Variants in S100A11 observed in about 807,000 individuals in gnomAD.
S100A11 encodes the protein protein S100-A11.
Under a neutral mutation model 7.4 loss-of-function variants are expected in S100A11, and 5 were observed. The observed-to-expected ratio is 0.68, with a 90% CI of 0.35 to 1.42. S100A11 has a LOEUF of 1.42. Among genes scored for constraint, S100A11 ranks in the 40% most tolerant of loss-of-function variants. The pLI is 0.04. For synonymous variants in S100A11, 47 were observed against 46.6 expected (o/e 1.01, Z -0.04); for missense variants, 96 against 125.0 (o/e 0.77, Z 1.11).
intron 1 of S100A11, 123 bp downstream of exon 1, chr1:152,036,790 T>C: frequency 1.2e-6 from 1 of 863,434 alleles, no homozygotes; most frequent in South Asian, 1.5e-5. Flanking sequence ...GGCTGATTTT[T>C]CCTGCTGTTT....
rs1656780655 is a variant in S100A11, at chr1:152,033,712, T to C, written c.92A>G (p.Asn31Ser). Reference protein sequence around the residue: ...FQKYAGKDGYNYTLSKTEFLS... With the variant: ...FQKYAGKDGYSYTLSKTEFLS... Reference sequence around the variant, plus strand: ...GAACTCTGTCTTGGAGAGAGTGTAGTTATAACCATCCTTTCCAGCATACTT... The same window carrying C: ...GAACTCTGTCTTGGAGAGAGTGTAGCTATAACCATCCTTTCCAGCATACTT... Residue 31 changes from asparagine (N) to serine (S), a missense_variant, in exon 2 of 3, where the codon AAC (asparagine) becomes AGC (serine). Asn to Ser is a conservative substitution (Grantham distance 46). Coordinates refer to ENST00000271638, the MANE Select transcript of S100A11 (RefSeq NM_005620.2). This position sits in a 1 kb window ranked among gnomAD's most constrained non-coding sequence, Gnocchi z 4.0. 1.9e-6 allele frequency: 3 copies of C among 1,613,606 alleles called. No individual in the cohort carries two copies. In the South Asian group the frequency reaches 3.3e-5, roughly 18 times the overall value.
chr1:152,036,265 A>G (rs1399764808), intron 1 of S100A11, among the ~76,000 whole-genome samples: 1 of 152,182 alleles, frequency 6.6e-6, no homozygotes, highest in Non-Finnish European at 1.5e-5. Context: ...GAAGAGAAAA[A>G]TAAGTTACGG....
rs926503020 is a variant in S100A11, at chr1:152,036,998, T to G, written c.-83A>C. 4 of 1,599,128 alleles carry G rather than the reference T, an allele frequency of 2.5e-6. No homozygotes were observed. The African/African-American group carries it at 5.4e-5, about 22-fold the overall frequency. Reference sequence around the variant, plus strand: ...GCGCGCGGCGTGCGGGTCTGGAGCCTCTCCTCAACCCACGCCCTTCCCGGC... The same window carrying G: ...GCGCGCGGCGTGCGGGTCTGGAGCCGCTCCTCAACCCACGCCCTTCCCGGC... On this transcript the variant is annotated 5_prime_UTR_variant, in exon 1 of 3. Coordinates refer to ENST00000271638, the MANE Select transcript of S100A11 (RefSeq NM_005620.2).
rs1557786654 is a variant in S100A11, at chr1:152,033,522, G to C, written c.156+126C>G. The C allele has an allele frequency of 1.2e-6, 1 of 828,918 alleles. No homozygotes were observed. Among genetic ancestry groups the C allele is most frequent in the Non-Finnish European group, 2.0e-6 (1 of 502,376 alleles). The allele number at this position is 828,918 out of a possible 1,614,324, so 51.3% of individuals were successfully genotyped here. On this transcript the variant is annotated intron_variant, in intron 2 of 2. Coordinates refer to ENST00000271638, the MANE Select transcript of S100A11 (RefSeq NM_005620.2). This position sits in a 1 kb window ranked among gnomAD's most constrained non-coding sequence, Gnocchi z 4.0. Reference sequence around the variant, plus strand: ...CCTAAATGGAAAAACTCCTGGCTTAGAGTGAGTTAAAATGAAGCAAGAGTG... The same window carrying C: ...CCTAAATGGAAAAACTCCTGGCTTACAGTGAGTTAAAATGAAGCAAGAGTG...
At chr1:152,032,858 C>T (rs1463572442) in intron 2 of S100A11, 35 bp from the exon 3 acceptor site, 5 of 1,500,934 alleles carry the variant, frequency 3.3e-6, no homozygotes, top group Non-Finnish European at 4.6e-6. Flanking sequence ...CTTTATATCG[C>T]ATCTTCTAAT....
In S100A11 at chr1:152,033,676, A is replaced by G. The variant is rs1656779902; in HGVS notation, c.128T>C (p.Met43Thr). The change falls in exon 2 of 3, where the codon ATG becomes ACG. Residue 43 changes from methionine (M) to threonine (T), a missense_variant. Transcript: ENST00000271638. The surrounding 1 kb of genome is among the most constrained non-coding windows in gnomAD (Gnocchi z 4.0). ...TGTGAAGGCAGCTAGTTCTGTATTC[A>G]TGAAGCTTAGGAACTCTGTCTTGGA... ...TLSKTEFLSF[M>T]NTELAAFTKN... The G allele has an allele frequency of 6.2e-7, 1 of 1,613,714 alleles. No homozygotes were observed. Among genetic ancestry groups the G allele is most frequent in the Non-Finnish European group, 8.5e-7 (1 of 1,179,844 alleles).
intron 1 of S100A11, among the ~76,000 whole-genome samples, chr1:152,035,778 G>A (rs1656820346): frequency 6.6e-6 from 1 of 152,120 alleles, no homozygotes; most frequent in Non-Finnish European, 1.5e-5. Flanking sequence ...ATAGCAAGGA[G>A]CAAACATTAT....
At chr1:152,036,867 C>CT (rs752753322) in intron 1 of S100A11, 46 bp downstream of exon 1, 8 of 1,548,844 alleles carry the variant, frequency 5.2e-6, no homozygotes, top group Non-Finnish European at 6.2e-6. Flanking sequence ...TTTTTCTTTT[C>CT]TTTTTCTTTT....
At chr1:152,035,827 G>T (rs572650942) in intron 1 of S100A11, among the ~76,000 whole-genome samples, 1 of 152,318 alleles carries the variant, frequency 6.6e-6, no homozygotes, top group South Asian at 2.1e-4. Flanking sequence ...AAAAATGCAT[G>T]CTAAGCGCTC....
At position 152,033,199 on chromosome 1, in the gene S100A11, T is replaced by G. The variant is rs1426605327; in HGVS notation, c.157-376A>C. Reference sequence around the variant, plus strand: ...CTGCCTAATCAGTCTCATCCTCCACTTGCCCAAGCTGCCAACACAGATACA... The same window carrying G: ...CTGCCTAATCAGTCTCATCCTCCACGTGCCCAAGCTGCCAACACAGATACA... On this transcript the variant is annotated intron_variant, in intron 2 of 2. Coordinates refer to ENST00000271638, the MANE Select transcript of S100A11 (RefSeq NM_005620.2). The surrounding 1 kb of genome is among the most constrained non-coding windows in gnomAD (Gnocchi z 4.0). Among the ~76,000 whole-genome samples, 1 of 152,252 alleles carries G rather than the reference T, an allele frequency of 6.6e-6. No individual in the cohort carries two copies. The highest frequency in any genetic ancestry group is 1.5e-5 in the Non-Finnish European group (1 of 68,044).
At chr1:152,035,889 A>C (rs773456637) in intron 1 of S100A11, among the ~76,000 whole-genome samples, 1 of 152,228 alleles carries the variant, frequency 6.6e-6, no homozygotes, top group Non-Finnish European at 1.5e-5. Context: ...CAATTTTAAA[A>C]ACCTCAACTA....
At chr1:152,034,684 G>T (rs1656801369) in intron 1 of S100A11, among the ~76,000 whole-genome samples, 1 of 152,206 alleles carries the variant, frequency 6.6e-6, no homozygotes, top group Non-Finnish European at 1.5e-5. Context: ...TTCCCCAAGG[G>T]GACTTAGGGT....
chr1:152,036,536 G>A (rs576722673), intron 1 of S100A11, among the ~76,000 whole-genome samples: 4 of 152,302 alleles, frequency 2.6e-5, no homozygotes, highest in Non-Finnish European at 5.9e-5. Context: ...CCAGCCCCCT[G>A]CCTTAAACTT....
In S100A11 at chr1:152,033,788, T is replaced by A. The variant is rs772410755; in HGVS notation, c.16A>T (p.Ser6Cys). The change falls in exon 2 of 3, where the codon AGC becomes TGC. Residue 6 changes from serine (S) to cysteine (C), a missense_variant. Physicochemically the swap from Ser to Cys is moderately radical, Grantham distance 112. Coordinates refer to ENST00000271638, the MANE Select transcript of S100A11 (RefSeq NM_005620.2). This position sits in a 1 kb window ranked among gnomAD's most constrained non-coding sequence, Gnocchi z 4.0. MAKIS[S>C]PTETERCIES... Reference sequence around the variant, plus strand: ...ATGCACCGCTCAGTCTCTGTAGGGCTGGAGATTTTTGCCTTTGGAGAAAAA... The same window carrying A: ...ATGCACCGCTCAGTCTCTGTAGGGCAGGAGATTTTTGCCTTTGGAGAAAAA... 1.2e-4 allele frequency: 200 copies of A among 1,613,868 alleles called. 3 individuals carry two copies. In the South Asian group the frequency reaches 2.2e-3, roughly 17 times the overall value.
chr1:152,035,505 A>G (rs1193219470), intron 1 of S100A11, among the ~76,000 whole-genome samples: 2 of 152,218 alleles, frequency 1.3e-5, no homozygotes, highest in African/African-American at 2.4e-5. Flanking sequence ...TGCTGTTGCT[A>G]TCAGCCACAA....
chr1:152,033,625 G>A lies in S100A11; in HGVS notation c.156+23C>T, dbSNP rs376962223. On this transcript the variant is annotated intron_variant, in intron 2 of 2. Coordinates refer to ENST00000271638, the MANE Select transcript of S100A11 (RefSeq NM_005620.2). The surrounding 1 kb of genome is among the most constrained non-coding windows in gnomAD (Gnocchi z 4.0). ...TTCATGTTGTGGGTAGTTTGGGGAA[G>A]TGGGGGAGACAGGGACCAGTACCTT... 1.4e-5 allele frequency: 23 copies of A among 1,609,360 alleles called. No homozygotes were observed. In the African/African-American group the frequency reaches 2.8e-4, roughly 20 times the overall value.
chr1:152,032,908 G>T, intron 2 of S100A11, 85 bp from the exon 3 acceptor site: 2 of 1,062,868 alleles, frequency 1.9e-6, no homozygotes, highest in South Asian at 1.4e-5. Context: ...TCTCACAGGA[G>T]TATAAGGTAC....
chr1:152,036,297 TG>T (rs935135490), intron 1 of S100A11, among the ~76,000 whole-genome samples: 2 of 151,792 alleles, frequency 1.3e-5, no homozygotes, highest in Non-Finnish European at 2.9e-5. Flanking sequence ...AAATAGATGG[TG>T]GGGTAAAAGG....
intron 1 of S100A11, among the ~76,000 whole-genome samples, chr1:152,035,118 T>C (rs1226819505): frequency 6.6e-6 from 1 of 152,210 alleles, no homozygotes; most frequent in Admixed American, 6.5e-5. Context: ...TTGTTTTTGT[T>C]TTGCTCTAAA....
Sources: allele counts gnomAD v4.1 joint callset (sites outside exome capture counted in the v4.1 genomes callset), GRCh38; gene constraint gnomAD v4.1.1; non-coding constraint Gnocchi (gnomAD v3.1); transcripts MANE v1.5; gene names NCBI Gene and HGNC (gene_info 2026-07-23, HGNC 2026-07-21).